The following RIN3 variants were observed in gnomAD, a reference collection of about 807,000 sequenced individuals.
The protein encoded by RIN3 is RAB5 interacting protein 3.
RIN3 carries 54 observed loss-of-function variants against 76.3 expected under a neutral mutation model. The observed-to-expected ratio is 0.71, with a 90% CI of 0.57 to 0.89. The LOEUF is 0.89. RIN3 is among the 40% of genes least tolerant of loss of function. The pLI, the probability that RIN3 is intolerant of heterozygous loss-of-function variation, is 0.00. For synonymous variants in RIN3, 576 were observed against 564.0 expected (o/e 1.02, Z -0.30); for missense variants, 1,256 against 1,322.1 (o/e 0.95, Z 0.78).
chr14:92,636,701 G>T (rs559993109), intron 4 of RIN3, among the ~76,000 whole-genome samples: 1 of 152,180 alleles, frequency 6.6e-6, no homozygotes, highest in Non-Finnish European at 1.5e-5. Context: ...CTGTTCAGTA[G>T]AGAAAGCAAG....
chr14:92,549,027 C>T (rs1050438979), intron 1 of RIN3, among the ~76,000 whole-genome samples: 1 of 152,112 alleles, frequency 6.6e-6, no homozygotes, highest in African/African-American at 2.4e-5. Context: ...CACGCCGGCC[C>T]CTGCACTCCC....
At chr14:92,598,953 A>C (rs758113932) in intron 3 of RIN3, among the ~76,000 whole-genome samples, 1 of 152,154 alleles carries the variant, frequency 6.6e-6, no homozygotes, top group Non-Finnish European at 1.5e-5. Context: ...TGTGTCCTGA[A>C]GGATGAATAG....
intron 6 of RIN3, 70 bp downstream of exon 6, chr14:92,653,145 G>C: frequency 2.0e-6 from 3 of 1,472,708 alleles, no homozygotes; most frequent in Non-Finnish European, 2.7e-6. Context: ...AACCCCTTAG[G>C]ACAAAAGAGG....
chr14:92,680,468 A>G (rs6575277), intron 8 of RIN3, among the ~76,000 whole-genome samples: 67,059 of 151,862 alleles, frequency 0.44, 15,420 homozygotes, highest in East Asian at 0.53. Flanking sequence ...CCAAAGTGCT[A>G]GGATTACAGG....
chr14:92,687,009 C>G (rs1888883230), intron 9 of RIN3: 1 of 152,342 alleles, frequency 6.6e-6, no homozygotes, highest in African/African-American at 2.4e-5. Flanking sequence ...CGGTCTCCGC[C>G]GAGCCGGGAT....
intron 3 of RIN3, among the ~76,000 whole-genome samples, chr14:92,609,114 C>T (rs1460837252): frequency 1.3e-5 from 2 of 152,164 alleles, no homozygotes; most frequent in Non-Finnish European, 2.9e-5. Context: ...GCTTAACTCC[C>T]ACTTATAAGT....
intron 4 of RIN3, among the ~76,000 whole-genome samples, chr14:92,625,650 C>T (rs140009545): frequency 0.013 from 1,908 of 152,266 alleles, 19 homozygotes; most frequent in Non-Finnish European, 0.019. Flanking sequence ...CCCACTCTCT[C>T]ATTTCCAGGA....
chr14:92,576,464 G>A, intron 2 of RIN3: 1 of 1,235,474 alleles, frequency 8.1e-7, no homozygotes, highest in Non-Finnish European at 1.1e-6. Context: ...ACCTACAGCA[G>A]AAGCAAGTCT....
chr14:92,540,114 C>T (rs1234596046), intron 1 of RIN3, among the ~76,000 whole-genome samples: 1 of 152,218 alleles, frequency 6.6e-6, no homozygotes, highest in East Asian at 1.9e-4. Flanking sequence ...CTGCAGCGCA[C>T]ACAGATGTGG....
At chr14:92,582,498 A>T (rs1465098574) in intron 3 of RIN3, among the ~76,000 whole-genome samples, 8 of 130,692 alleles carry the variant, frequency 6.1e-5, no homozygotes, top group Non-Finnish European at 1.5e-5. Flanking sequence ...CCCAGGCCGG[A>T]GTGCAGTGGT....
At chr14:92,687,901 C>CCACA (rs1202535825) in intron 9 of RIN3, 25 bp from the exon 10 acceptor site, 12 of 1,522,372 alleles carry the variant, frequency 7.9e-6, no homozygotes, top group Non-Finnish European at 8.8e-6. Flanking sequence ...CCCGCCGTGA[C>CCACA]CACAGGCCCC....
chr14:92,529,934 A>G (rs963487907), intron 1 of RIN3, among the ~76,000 whole-genome samples: 1 of 152,220 alleles, frequency 6.6e-6, no homozygotes, highest in Non-Finnish European at 1.5e-5. Flanking sequence ...GCCCTTCAAC[A>G]GAGACACACA....
intron 1 of RIN3, among the ~76,000 whole-genome samples, chr14:92,550,120 C>T (rs1370790856): frequency 6.6e-6 from 1 of 152,178 alleles, no homozygotes; most frequent in Non-Finnish European, 1.5e-5. Context: ...TAAAACAAAG[C>T]CTGCGTGTCA....
intron 1 of RIN3, among the ~76,000 whole-genome samples, chr14:92,517,087 T>C (rs1177131549): frequency 2.0e-5 from 3 of 152,216 alleles, no homozygotes; most frequent in African/African-American, 7.2e-5. Flanking sequence ...ACTCTGTCTC[T>C]GTAACCCCCT....
intron 5 of RIN3, among the ~76,000 whole-genome samples, chr14:92,650,074 A>C (rs1887354946): frequency 6.6e-6 from 1 of 152,204 alleles, no homozygotes; most frequent in Non-Finnish European, 1.5e-5. Context: ...GCTCCAGGCC[A>C]TCTTGTGAGG....
At chr14:92,537,496 G>A (rs563204394) in intron 1 of RIN3, among the ~76,000 whole-genome samples, 2 of 152,214 alleles carry the variant, frequency 1.3e-5, no homozygotes, top group East Asian at 1.9e-4. Flanking sequence ...GCAACTGTAC[G>A]TATAAGTTCC....
At chr14:92,527,765 G>A (rs781196717) in intron 1 of RIN3, among the ~76,000 whole-genome samples, 3 of 152,134 alleles carry the variant, frequency 2.0e-5, no homozygotes, top group Non-Finnish European at 2.9e-5. Context: ...GTGTCACCAT[G>A]TGCCTGGCTT....
At chr14:92,637,739 T>C (rs1349577838) in intron 4 of RIN3, among the ~76,000 whole-genome samples, 2 of 152,214 alleles carry the variant, frequency 1.3e-5, no homozygotes, top group Admixed American at 6.5e-5. Flanking sequence ...GGTGAGTGAC[T>C]GATAAGGCTT....
chr14:92,529,642 G>C (rs779010826), intron 1 of RIN3, among the ~76,000 whole-genome samples: 1 of 152,164 alleles, frequency 6.6e-6, no homozygotes, highest in Non-Finnish European at 1.5e-5. Context: ...GGTTGAACAG[G>C]GCGACACTCT....
Sources: gnomAD v4.1 joint callset for allele counts (sites outside exome capture counted in the v4.1 genomes callset) on GRCh38, gnomAD v4.1.1 for gene constraint, MANE v1.5 for transcripts, NCBI Gene and HGNC (gene_info 2026-07-23, HGNC 2026-07-21) for gene names.